Variants in SIPA1L3 observed in about 807,000 individuals in gnomAD.
SIPA1L3 encodes signal-induced proliferation-associated 1-like protein 3.
Under a neutral mutation model 150.1 loss-of-function variants are expected in SIPA1L3, and 59 were observed. That is an observed-to-expected ratio of 0.39 (90% confidence interval 0.32 to 0.49). The LOEUF is 0.49. Among genes scored for constraint, SIPA1L3 ranks in the 20% least tolerant of loss-of-function variants. The pLI is 0.86. For missense variants in SIPA1L3, 2,211 were observed against 2,489.5 expected (o/e 0.89, Z 2.38); for synonymous variants, 1,070 against 1,077.6 (o/e 0.99, Z 0.14).
At chr19:38,175,695 G>C (rs1600172088) in intron 15 of SIPA1L3, among the ~76,000 whole-genome samples, 1 of 152,264 alleles carries the variant, frequency 6.6e-6, no homozygotes, top group East Asian at 1.9e-4. Flanking sequence ...TAGCACATAG[G>C]ATCTCGTGAG....
At position 38,119,645 on chromosome 19, in the gene SIPA1L3, C is replaced by A. The variant is rs1970971262; in HGVS notation, c.2631C>A (p.Ala877=). The change falls in exon 9 of 22, where the codon GCC becomes GCA. Residue 877 remains alanine, a synonymous_variant. Transcript: ENST00000222345. ...GGGCCATCGCCTGGAGGGTGGTGGC[C>A]CAGGACTACGCCCAGGGGGTGGAAA... ...SAGAIAWRVV[A]QDYAQGVEID... 1.2e-6 allele frequency: 2 copies of A among 1,614,044 alleles called. No homozygotes were observed. The highest frequency in any genetic ancestry group is 1.7e-6 in the Non-Finnish European group (2 of 1,180,022).
chr19:38,204,041 G>A (rs1568610727), intron 20 of SIPA1L3, 86 bp from the exon 21 acceptor site: 3 of 1,063,266 alleles, frequency 2.8e-6, no homozygotes, highest in Non-Finnish European at 4.2e-6. Flanking sequence ...AAGGGGGCCT[G>A]TACCCCCAGG....
intron 2 of SIPA1L3, among the ~76,000 whole-genome samples, chr19:38,037,895 C>T (rs1204851581): frequency 2.0e-5 from 3 of 152,124 alleles, no homozygotes; most frequent in Non-Finnish European, 4.4e-5. Flanking sequence ...GACACAGCAG[C>T]TCAACAATAG....
At chr19:37,980,215 C>A (rs1325939745) in intron 1 of SIPA1L3, among the ~76,000 whole-genome samples, 1 of 152,192 alleles carries the variant, frequency 6.6e-6, no homozygotes, top group Non-Finnish European at 1.5e-5. Context: ...GTCCTCCACT[C>A]CTCTCCCTGC....
At chr19:38,143,862 C>A (rs949926542) in intron 12 of SIPA1L3, among the ~76,000 whole-genome samples, 10 of 152,128 alleles carry the variant, frequency 6.6e-5, no homozygotes, top group African/African-American at 2.4e-4. Flanking sequence ...CCTGAACATG[C>A]CTGTCCCCTG....
chr19:38,119,565 T>A lies in SIPA1L3; in HGVS notation c.2551T>A (p.Ser851Thr). The A allele has an allele frequency of 6.2e-7, 1 of 1,613,966 alleles. No individual in the cohort carries two copies. Among genetic ancestry groups the A allele is most frequent in the Non-Finnish European group, 8.5e-7 (1 of 1,180,006 alleles). ...TGKFNLISLT[S>T]KKKEKTKARA... ...CAAATTCAACCTCATCTCCCTGACC[T>A]CCAAGAAGAAGGAAAAGACAAAAGC... is the stretch of plus-strand genomic sequence containing the variant. Residue 851 changes from serine to threonine, a missense_variant, in exon 9 of 22, where the codon TCC becomes ACC. Coordinates refer to ENST00000222345, the MANE Select transcript of SIPA1L3 (RefSeq NM_015073.3).
At position 38,083,037 on chromosome 19, in the gene SIPA1L3, A is replaced by G; in HGVS notation, c.1472A>G (p.Gln491Arg). Reference sequence around the variant, plus strand: ...CAGCGGACGCAGAGTCGGCCCCGGCAGTACAGCATCGAGCATGTGGACCTG... The same window carrying G: ...CAGCGGACGCAGAGTCGGCCCCGGCGGTACAGCATCGAGCATGTGGACCTG... Reference protein sequence around the residue: ...EQQRTQSRPRQYSIEHVDLGA... With the variant: ...EQQRTQSRPRRYSIEHVDLGA... The change falls in exon 3 of 22, where the codon CAG becomes CGG. Residue 491 changes from glutamine (Q) to arginine (R), a missense_variant. By Grantham distance (43) the Gln-to-Arg change is conservative. Coordinates refer to ENST00000222345, the MANE Select transcript of SIPA1L3 (RefSeq NM_015073.3). The G allele has an allele frequency of 6.2e-7, 1 of 1,613,132 alleles. No individual in the cohort carries two copies. Among genetic ancestry groups the G allele is most frequent in the Non-Finnish European group, 8.5e-7 (1 of 1,180,028 alleles).
chr19:38,097,691 G>A (rs1460133035), intron 4 of SIPA1L3, among the ~76,000 whole-genome samples: 1 of 152,156 alleles, frequency 6.6e-6, no homozygotes, highest in African/African-American at 2.4e-5. Flanking sequence ...CAAGTAGCTG[G>A]GATTACAGGC....
intron 1 of SIPA1L3, among the ~76,000 whole-genome samples, chr19:37,916,247 A>C (rs570049002): frequency 1.3e-5 from 2 of 151,764 alleles, no homozygotes; most frequent in East Asian, 3.9e-4. Flanking sequence ...GGCTGGTCTC[A>C]AACTCCTGAC....
chr19:38,079,497 G>A (rs999401740), intron 2 of SIPA1L3, among the ~76,000 whole-genome samples: 2 of 152,044 alleles, frequency 1.3e-5, no homozygotes, highest in Admixed American at 6.6e-5. Context: ...CCAGAAGACC[G>A]GGCTTCTCTG....
At chr19:38,167,365 T>G (rs919947515) in intron 15 of SIPA1L3, among the ~76,000 whole-genome samples, 4 of 152,174 alleles carry the variant, frequency 2.6e-5, no homozygotes, top group African/African-American at 9.7e-5. Context: ...ATTTCATGGC[T>G]TACAGTGTTC....
intron 8 of SIPA1L3, among the ~76,000 whole-genome samples, chr19:38,118,821 A>G (rs1568559306): frequency 6.6e-6 from 1 of 152,156 alleles, no homozygotes; most frequent in Non-Finnish European, 1.5e-5. Flanking sequence ...GGTATGAGCC[A>G]CTGCGCCCAG....
Position 38,207,557 on chromosome 19 carries a change from G to T in SIPA1L3, c.*1317G>T, listed in dbSNP as rs1348244114. On this transcript the variant is annotated 3_prime_UTR_variant, in exon 22 of 22. Coordinates refer to ENST00000222345, the MANE Select transcript of SIPA1L3 (RefSeq NM_015073.3). Reference sequence around the variant, plus strand: ...GACCAAGGCGTGTCCCCTGTGGGCTGGGGGTCAGTGGGAGGACCAGAGGGA... The same window carrying T: ...GACCAAGGCGTGTCCCCTGTGGGCTTGGGGTCAGTGGGAGGACCAGAGGGA... 6.6e-6 allele frequency: 1 copy of T among 151,884 alleles called. No homozygotes were observed. The allele number at this position is 151,884 out of a possible 1,614,324, so 9.4% of individuals were successfully genotyped here.
At chr19:38,057,351 C>A (rs1028587025) in intron 2 of SIPA1L3, among the ~76,000 whole-genome samples, 1 of 150,256 alleles carries the variant, frequency 6.7e-6, no homozygotes, top group Admixed American at 6.6e-5. Context: ...TATATATATA[C>A]GTATATATAT....
Position 38,112,952 on chromosome 19 carries a change from A to AT in SIPA1L3, c.2291+2568_2291+2569insT, listed in dbSNP as rs775153398. Among the ~76,000 whole-genome samples the AT allele has an allele frequency of 1.3e-5, 2 of 152,318 alleles. 1 individual carries two copies. The highest frequency in any genetic ancestry group is 3.9e-4 in the East Asian group (2 of 5,186). On this transcript the variant is annotated intron_variant, in intron 8 of 21. Coordinates refer to ENST00000222345, the MANE Select transcript of SIPA1L3 (RefSeq NM_015073.3). ...GCGAGGTGCAGTGGCTCACGCTTGTAATCCCAGCACTTTGGGAGGCTGAGG... is the reference window on the plus strand; with the variant it reads ...GCGAGGTGCAGTGGCTCACGCTTGTATATCCCAGCACTTTGGGAGGCTGAGG...
At chr19:37,985,169 A>G (rs553330380) in intron 1 of SIPA1L3, among the ~76,000 whole-genome samples, 1 of 151,676 alleles carries the variant, frequency 6.6e-6, no homozygotes, top group Admixed American at 6.6e-5. Context: ...ACAGAGCAAG[A>G]TTCTATCTCT....
At chr19:38,130,341 C>T (rs1485324114) in intron 9 of SIPA1L3, among the ~76,000 whole-genome samples, 157 bp from the exon 10 acceptor site, 1 of 152,212 alleles carries the variant, frequency 6.6e-6, no homozygotes, top group Admixed American at 6.5e-5. Context: ...GGACCGGGTG[C>T]GTGTTCCCCC....
rs113474979 is a variant in SIPA1L3 at position 38,176,408 on chromosome 19, G to GT, written c.4209-6103dup. Among the ~76,000 whole-genome samples, 61 of 148,660 alleles carry GT rather than the reference G, an allele frequency of 4.1e-4. 1 individual carries two copies. Among genetic ancestry groups the GT allele is most frequent in the South Asian group, 1.1e-3 (5 of 4,618 alleles). On this transcript the variant is annotated intron_variant, in intron 15 of 21. Coordinates refer to ENST00000222345, the MANE Select transcript of SIPA1L3 (RefSeq NM_015073.3). ...TGTTTTTTTTATTTGCTTGTTTTTTGTTTTTTTTGAGTGATGGGGACTCTG... is the reference window on the plus strand; with the variant it reads ...TGTTTTTTTTATTTGCTTGTTTTTTGTTTTTTTTTGAGTGATGGGGACTCTG...
At chr19:38,162,059 G>T (rs911544819) in intron 13 of SIPA1L3, among the ~76,000 whole-genome samples, 194 bp from the exon 14 acceptor site, 1 of 152,206 alleles carries the variant, frequency 6.6e-6, no homozygotes, top group African/African-American at 2.4e-5. Flanking sequence ...CACGGCTTCA[G>T]TGAGGCCCTC....
Sources: gnomAD v4.1 joint callset for allele counts (sites outside exome capture counted in the v4.1 genomes callset) on GRCh38, gnomAD v4.1.1 for gene constraint, MANE v1.5 for transcripts, NCBI Gene and HGNC (gene_info 2026-07-23, HGNC 2026-07-21) for gene names.